The following FLT4 variants were observed in gnomAD, a reference collection of about 807,000 sequenced individuals.
FLT4 encodes the protein fms related receptor tyrosine kinase 4.
Under a neutral mutation model 163.2 loss-of-function variants are expected in FLT4, and 30 were observed. That is an observed-to-expected ratio of 0.18 (90% CI 0.14 to 0.25). The LOEUF (loss-of-function observed/expected upper bound fraction) is 0.25. Among genes scored for constraint, FLT4 ranks in the 10% least tolerant of loss-of-function variants. The pLI is 1.00. For missense variants in FLT4, 1,510 were observed against 1,863.8 expected (o/e 0.81, Z 3.50); for synonymous variants, 884 against 789.5 (o/e 1.12, Z -2.01).
At chr5:180,622,889 C>T (rs1299371371) in intron 11 of FLT4, 50 bp from the exon 12 acceptor site, 2 of 1,278,906 alleles carry the variant, frequency 1.6e-6, no homozygotes, top group Non-Finnish European at 2.3e-6. Context: ...GTTCTCCCAA[C>T]CTGGGCCCTG....
intron 1 of FLT4, among the ~76,000 whole-genome samples, chr5:180,641,362 G>A (rs968579152): frequency 6.6e-6 from 1 of 152,238 alleles, no homozygotes; most frequent in African/African-American, 2.4e-5. Context: ...CACATTGGCA[G>A]AGAGCATGGC....
intron 29 of FLT4, among the ~76,000 whole-genome samples, chr5:180,605,423 G>A (rs1277025442): frequency 6.6e-6 from 1 of 152,120 alleles, no homozygotes; most frequent in Non-Finnish European, 1.5e-5. Context: ...GGAGCATTTT[G>A]CTCGTTTTCC....
chr5:180,603,565 A>T (rs1025286708), intron 29 of FLT4, among the ~76,000 whole-genome samples, 175 bp from the exon 30 acceptor site: 6 of 152,190 alleles, frequency 3.9e-5, no homozygotes, highest in Non-Finnish European at 5.9e-5. Flanking sequence ...TACAAAAATT[A>T]GCCAGGCATG....
chr5:180,611,558 A>AC, intron 26 of FLT4, 79 bp from the exon 27 acceptor site: 1 of 1,302,740 alleles, frequency 7.7e-7, no homozygotes, highest in Non-Finnish European at 1.0e-6. Context: ...CTCAGCCCTC[A>AC]CCCCCGCCCT....
At chr5:180,607,423 G>A (rs1481364236) in intron 29 of FLT4, among the ~76,000 whole-genome samples, 3 of 152,036 alleles carry the variant, frequency 2.0e-5, no homozygotes, top group African/African-American at 7.2e-5. Flanking sequence ...GGATCACGAG[G>A]TCAGGAGATC....
intron 1 of FLT4, among the ~76,000 whole-genome samples, chr5:180,644,039 A>G (rs1049925735): frequency 8.5e-5 from 13 of 152,082 alleles, no homozygotes; most frequent in Non-Finnish European, 1.5e-5. Flanking sequence ...CCAGGCTCTC[A>G]AACTCTTAAC....
rs1164346074 is a variant in FLT4, at chr5:180,630,855, C to T, written c.156-56G>A. On this transcript the variant is annotated intron_variant, in intron 2 of 29. Transcript: ENST00000261937. This position sits in a 1 kb window ranked among gnomAD's most constrained non-coding sequence, Gnocchi z 6.3. ...CCCAGGGCAGCCCATGGGGACTGTC[C>T]CTGAGAAGCCTCCCTCAGGCCGAGC... 14 of 1,537,746 alleles carry T rather than the reference C, an allele frequency of 9.1e-6. No individual in the cohort carries two copies. Among genetic ancestry groups the T allele is most frequent in the Non-Finnish European group, 1.1e-5 (13 of 1,146,894 alleles).
intron 2 of FLT4, 89 bp downstream of exon 2, chr5:180,631,593 G>GGGGGCTGCCATCTGGGCCC (rs1302578971): frequency 1.3e-5 from 14 of 1,055,988 alleles, no homozygotes; most frequent in Non-Finnish European, 1.7e-5. Flanking sequence ...TGCCCTGGGA[G>GGGGGCTGCCATCTGGGCCC]GGGGCTGCCA....
intron 29 of FLT4, among the ~76,000 whole-genome samples, chr5:180,604,098 G>T (rs1361468922): frequency 2.0e-5 from 3 of 152,142 alleles, no homozygotes; most frequent in African/African-American, 7.2e-5. Context: ...CATGCGTTCA[G>T]ACTTCAGAAA....
chr5:180,606,366 C>T (rs1561687002), intron 29 of FLT4, among the ~76,000 whole-genome samples: 1 of 152,156 alleles, frequency 6.6e-6, no homozygotes, highest in Non-Finnish European at 1.5e-5. Flanking sequence ...TCCTCGCAGC[C>T]CCATCTCCTC....
At chr5:180,624,994 C>T (rs949504778) in intron 10 of FLT4, among the ~76,000 whole-genome samples, 6 of 152,210 alleles carry the variant, frequency 3.9e-5, no homozygotes, top group East Asian at 1.9e-4. Context: ...GCATGCCGCA[C>T]GATCTAGAAG....
rs1195515666 is a variant in FLT4 at position 180,623,142 on chromosome 5, G to A, written c.1549-303C>T. On this transcript the variant is annotated intron_variant, in intron 11 of 29. Coordinates refer to ENST00000261937, the MANE Select transcript of FLT4 (RefSeq NM_182925.5). The surrounding 1 kb of genome is among the most constrained non-coding windows in gnomAD (Gnocchi z 5.8). ...AGGACCAGAGAGACCTCTGGCCGTGGCTATGTTGAGGGGGCACCAGCGTCA... is the reference window on the plus strand; with the variant it reads ...AGGACCAGAGAGACCTCTGGCCGTGACTATGTTGAGGGGGCACCAGCGTCA... Among the ~76,000 whole-genome samples the A allele has an allele frequency of 6.6e-6, 1 of 152,196 alleles. No homozygotes were observed. Among genetic ancestry groups the A allele is most frequent in the Admixed American group, 6.5e-5 (1 of 15,286 alleles).
At chr5:180,649,433 AC>A in intron 1 of FLT4, 54 bp downstream of exon 1, 2 of 1,335,182 alleles carry the variant, frequency 1.5e-6, no homozygotes, top group Non-Finnish European at 2.0e-6. Flanking sequence ...GGTGCGCGGT[AC>A]CCCCTCCCCG....
At position 180,601,792 on chromosome 5, in the gene FLT4, C is replaced by T. The variant is rs116376016; in HGVS notation, c.*1400G>A. ...CGGGGACGACGAAGATGACCTTATA[C>T]GTGCACTCGGCATATCCTGGAGTAA... is the stretch of plus-strand genomic sequence containing the variant. On this transcript the variant is annotated 3_prime_UTR_variant, in exon 30 of 30. Transcript: ENST00000261937. 459 of 231,674 alleles carry T rather than the reference C, an allele frequency of 2.0e-3. 3 individuals carry two copies. The highest frequency in any genetic ancestry group is 9.5e-3 in the African/African-American group (432 of 45,288). 14.4% of individuals were successfully genotyped at this position (231,674 alleles called of 1,614,324 possible).
intron 17 of FLT4, 70 bp from the exon 18 acceptor site, chr5:180,619,839 G>T: frequency 8.4e-7 from 1 of 1,186,576 alleles, no homozygotes. Flanking sequence ...GGCGGCGGGG[G>T]AGCCCCGTGC....
intron 1 of FLT4, among the ~76,000 whole-genome samples, chr5:180,640,350 G>A (rs542776213): frequency 1.4e-4 from 21 of 152,364 alleles, no homozygotes; most frequent in African/African-American, 4.8e-4. Flanking sequence ...GCCCAGTCTG[G>A]CTGAGTCCAG....
At position 180,622,667 on chromosome 5, in the gene FLT4, G is replaced by A. The variant is rs1176637305; in HGVS notation, c.1657+64C>T. 11 of 996,918 alleles carry A rather than the reference G, an allele frequency of 1.1e-5. No homozygotes were observed. The East Asian group carries it at 1.2e-4, about 11-fold the overall frequency. 61.8% of individuals were successfully genotyped at this position (996,918 alleles called of 1,614,324 possible). On this transcript the variant is annotated intron_variant, in intron 12 of 29. Coordinates refer to ENST00000261937, the MANE Select transcript of FLT4 (RefSeq NM_182925.5). The stretch of plus-strand genomic sequence containing the variant: ...GTCCCAAAGACCCCAGAAACTCAAT[G>A]AGCCCAAACCTGCCCCCTCCTGACC...
At chr5:180,605,472 TCTAATA>T (rs756362122) in intron 29 of FLT4, among the ~76,000 whole-genome samples, 90 of 152,342 alleles carry the variant, frequency 5.9e-4, no homozygotes, top group Non-Finnish European at 8.1e-4. Flanking sequence ...AAGTTTTAAC[TCTAATA>T]CTGTCTTATT....
At chr5:180,622,178 G>T (rs35393742) in intron 12 of FLT4, among the ~76,000 whole-genome samples, 1 of 151,858 alleles carries the variant, frequency 6.6e-6, no homozygotes, top group Non-Finnish European at 1.5e-5. Flanking sequence ...TCCCAGTGCC[G>T]TGCGCCCACT....
Sources: allele counts gnomAD v4.1 joint callset (sites outside exome capture counted in the v4.1 genomes callset), GRCh38; gene constraint gnomAD v4.1.1; non-coding constraint Gnocchi (gnomAD v3.1); transcripts MANE v1.5; gene names NCBI Gene and HGNC (gene_info 2026-07-23, HGNC 2026-07-21).